The following BCAT1 variants were observed in gnomAD, a reference collection of about 807,000 sequenced individuals.
BCAT1 encodes the protein branched-chain-amino-acid aminotransferase, cytosolic.
Under a neutral mutation model 52.4 loss-of-function variants are expected in BCAT1, and 48 were observed. The ratio of observed to expected loss-of-function variants is 0.92; its 90% CI spans 0.73 to 1.16. BCAT1 has a LOEUF of 1.16. Ranked by LOEUF, BCAT1 falls within the 50% of genes most tolerant of loss-of-function variation. The pLI is 0.00. For missense variants in BCAT1, 451 were observed against 457.1 expected (o/e 0.99, Z 0.12); for synonymous variants, 167 against 161.3 (o/e 1.04, Z -0.27).
rs1301064849 is a variant in BCAT1, at chr12:24,810,680, G to A, written c.*7328C>T. The A allele has an allele frequency of 6.6e-6, 1 of 152,168 alleles. No individual in the cohort carries two copies. Among genetic ancestry groups the A allele is most frequent in the African/African-American group, 2.4e-5 (1 of 41,434 alleles). The allele number at this position is 152,168 out of a possible 1,614,324, so 9.4% of individuals were successfully genotyped here. ...CTGAATAAAGGCCAATATTTTCACA[G>A]GTTGACAGGGTCTGGAGAAGTGGGT... On this transcript the variant is annotated 3_prime_UTR_variant, in exon 11 of 11. Transcript: ENST00000261192.
chr12:24,822,549 C>A (rs1940185110), intron 10 of BCAT1, among the ~76,000 whole-genome samples: 1 of 152,158 alleles, frequency 6.6e-6, no homozygotes, highest in African/African-American at 2.4e-5. Context: ...ATTTATTTTT[C>A]TTGGAGAAAC....
chr12:24,842,147 T>C lies in BCAT1; in HGVS notation c.752A>G (p.Glu251Gly). Residue 251 changes from glutamate (E) to glycine (G), a missense_variant, in exon 7 of 11, where the codon GAG becomes GGG. By Grantham distance (98) the Glu-to-Gly change is moderately conservative (BLOSUM62 -2). Transcript: ENST00000261192. Reference protein sequence around the residue: ...GCQQVLWLYGEDHQITEVGTM... With the variant: ...GCQQVLWLYGGDHQITEVGTM... ...TCCCACTTCAGTGATCTGATGGTCC[T>C]CTCCATAGAGCCACAGGACCTGCTG... The C allele has an allele frequency of 6.2e-7, 1 of 1,613,780 alleles. No individual in the cohort carries two copies. The highest frequency in any genetic ancestry group is 8.5e-7 in the Non-Finnish European group (1 of 1,179,680).
intron 6 of BCAT1, among the ~76,000 whole-genome samples, chr12:24,847,320 C>T (rs1053595748): frequency 6.6e-6 from 1 of 152,206 alleles, no homozygotes; most frequent in African/African-American, 2.4e-5. Context: ...ACCAATGCCT[C>T]ACACCAGAGT....
intron 5 of BCAT1, among the ~76,000 whole-genome samples, chr12:24,877,297 T>A (rs1355992303): frequency 6.6e-6 from 1 of 152,186 alleles, no homozygotes; most frequent in East Asian, 1.9e-4. Flanking sequence ...ATGTTCCCTA[T>A]CTCTTTACCT....
intron 10 of BCAT1, among the ~76,000 whole-genome samples, chr12:24,820,916 G>T (rs1940096175): frequency 6.6e-6 from 1 of 152,106 alleles, no homozygotes. Context: ...TAAAACTATA[G>T]TCAGTGCTGC....
intron 1 of BCAT1, among the ~76,000 whole-genome samples, chr12:24,911,666 C>T (rs1434253512): frequency 1.3e-5 from 2 of 152,108 alleles, no homozygotes; most frequent in Non-Finnish European, 2.9e-5. Context: ...AGTCTGTGGG[C>T]TCCTGCACTT....
chr12:24,849,387 G>C (rs943961283), intron 6 of BCAT1, among the ~76,000 whole-genome samples: 4 of 152,184 alleles, frequency 2.6e-5, no homozygotes, highest in Non-Finnish European at 2.9e-5. Flanking sequence ...TGAGAGCCTG[G>C]GTCCCAGGAC....
intron 5 of BCAT1, among the ~76,000 whole-genome samples, chr12:24,871,007 A>G (rs1942170966): frequency 6.6e-6 from 1 of 152,096 alleles, no homozygotes; most frequent in Non-Finnish European, 1.5e-5. Flanking sequence ...TGGGCAACAG[A>G]GCAAGACTCT....
intron 1 of BCAT1, among the ~76,000 whole-genome samples, chr12:24,928,661 C>A (rs7960010): frequency 2.1e-5 from 3 of 140,688 alleles, no homozygotes; most frequent in Non-Finnish European, 3.1e-5. Flanking sequence ...CCAAGAAAAA[C>A]GAAAATACAA....
intron 3 of BCAT1, among the ~76,000 whole-genome samples, chr12:24,884,258 T>C (rs921193312): frequency 2.0e-5 from 3 of 152,086 alleles, no homozygotes; most frequent in South Asian, 2.1e-4. Context: ...GAAAGACAAA[T>C]ACTGCACGAT....
chr12:24,852,963 A>G (rs987079398), intron 5 of BCAT1, among the ~76,000 whole-genome samples: 4 of 152,246 alleles, frequency 2.6e-5, no homozygotes, highest in African/African-American at 9.6e-5. Context: ...ACAATGAATA[A>G]GATCTAACAC....
At chr12:24,947,564 G>T (rs763251578) in intron 1 of BCAT1, among the ~76,000 whole-genome samples, 1 of 152,108 alleles carries the variant, frequency 6.6e-6, no homozygotes, top group Admixed American at 6.5e-5. Flanking sequence ...ATACTTCTTC[G>T]ATCATACCTA....
At chr12:24,822,718 G>A (rs1026848544) in intron 10 of BCAT1, among the ~76,000 whole-genome samples, 1 of 152,136 alleles carries the variant, frequency 6.6e-6, no homozygotes, top group African/African-American at 2.4e-5. Flanking sequence ...AGCACATTTG[G>A]TAGTTCTGGT....
intron 5 of BCAT1, among the ~76,000 whole-genome samples, chr12:24,870,681 G>A (rs559204122): frequency 3.9e-5 from 6 of 152,234 alleles, no homozygotes; most frequent in African/African-American, 7.2e-5. Context: ...TTATTTCACC[G>A]CTTTGGACCT....
At chr12:24,920,031 G>A (rs904105381) in intron 1 of BCAT1, among the ~76,000 whole-genome samples, 2 of 151,892 alleles carry the variant, frequency 1.3e-5, no homozygotes, top group Non-Finnish European at 2.9e-5. Flanking sequence ...ACCCTGTCTT[G>A]GGTATGTCTT....
chr12:24,916,696 G>A (rs893168480), intron 1 of BCAT1, among the ~76,000 whole-genome samples: 3 of 151,816 alleles, frequency 2.0e-5, no homozygotes, highest in Admixed American at 6.6e-5. Context: ...GCCTGCCACC[G>A]CGCCTGGTTA....
intron 5 of BCAT1, among the ~76,000 whole-genome samples, chr12:24,861,564 T>C (rs1941849684): frequency 1.3e-5 from 2 of 152,308 alleles, no homozygotes; most frequent in South Asian, 2.1e-4. Context: ...CTACCCTGAA[T>C]AGTTACGCAA....
At chr12:24,885,969 C>T (rs1423238985) in intron 3 of BCAT1, among the ~76,000 whole-genome samples, 1 of 152,144 alleles carries the variant, frequency 6.6e-6, no homozygotes, top group Admixed American at 6.5e-5. Flanking sequence ...AAAGACACAA[C>T]AAATTCCAAA....
intron 6 of BCAT1, 55 bp downstream of exon 6, chr12:24,849,731 A>G (rs1941448130): frequency 6.6e-7 from 1 of 1,524,716 alleles, no homozygotes; most frequent in Admixed American, 1.9e-5. Flanking sequence ...AAATGGCACT[A>G]ACTAAATGGT....
Sources: allele counts gnomAD v4.1 joint callset (sites outside exome capture counted in the v4.1 genomes callset), GRCh38; gene constraint gnomAD v4.1.1; transcripts MANE v1.5; gene names NCBI Gene and HGNC (gene_info 2026-07-23, HGNC 2026-07-21).